ARID4A: variants seen among roughly 807,000 people sequenced by gnomAD.
ARID4A encodes the protein AT-rich interaction domain 4A.
A neutral mutation model predicts 148.6 loss-of-function variants in ARID4A; 39 were observed. That is an observed-to-expected ratio of 0.26 (90% CI 0.20 to 0.34). The LOEUF (loss-of-function observed/expected upper bound fraction) is 0.34, where lower values mean the gene tolerates loss of function less well. Ranked by LOEUF, ARID4A falls within the 10% of genes least tolerant of loss-of-function variation. The pLI is 1.00. For synonymous variants in ARID4A, 475 were observed against 481.2 expected, an observed-to-expected ratio of 0.99 and a Z score of 0.17; for missense variants, 1,265 against 1,449.1, an observed-to-expected ratio of 0.87 and a Z score of 2.06.
At chr14:58,312,804 T>TAA (rs1192114171) in intron 5 of ARID4A, among the ~76,000 whole-genome samples, 1 of 152,218 alleles carries the variant, frequency 6.6e-6, no homozygotes. Flanking sequence ...TCTTTACCTA[T>TAA]AAAAGGAGGA....
intron 7 of ARID4A, among the ~76,000 whole-genome samples, chr14:58,322,438 A>C (rs2140173255): frequency 6.6e-6 from 1 of 152,282 alleles, no homozygotes; most frequent in Admixed American, 6.5e-5. Flanking sequence ...GGTTTCTCAG[A>C]GTGCAGCAGA....
At chr14:58,303,305 A>G (rs11158203) in intron 3 of ARID4A, among the ~76,000 whole-genome samples, 106,925 of 152,066 alleles carry the variant, frequency 0.7, 37,988 homozygotes, top group Middle Eastern at 0.87. Flanking sequence ...GGGAATATTC[A>G]GTATCCTCCT....
rs762695660 is a variant in ARID4A at position 58,366,123 on chromosome 14, G to C, written c.3416G>C (p.Arg1139Pro). The C allele has an allele frequency of 2.5e-6, 4 of 1,613,760 alleles. No homozygotes were observed. Among genetic ancestry groups the C allele is most frequent in the Non-Finnish European group, 3.4e-6 (4 of 1,179,766 alleles). The change falls in exon 22 of 24, where the codon CGA becomes CCA. Residue 1139 changes from arginine to proline, a missense_variant. Physicochemically the swap from Arg to Pro is moderately radical, Grantham distance 103. Transcript: ENST00000355431. Reference sequence around the variant, plus strand: ...GTATCTAAGCCACAGAAACTTGCACGATCTCCTGCAAGAATATCCCCGCAC... The same window carrying C: ...GTATCTAAGCCACAGAAACTTGCACCATCTCCTGCAAGAATATCCCCGCAC... ...LNVSKPQKLARSPARISPHIK... is the reference protein window; with the variant it reads ...LNVSKPQKLAPSPARISPHIK...
chr14:58,323,589 C>G lies in ARID4A; in HGVS notation c.554C>G (p.Thr185Arg), dbSNP rs139306325. The change falls in exon 8 of 24, where the codon ACG becomes AGG. Residue 185 changes from threonine (T) to arginine (R), a missense_variant. This residue lies in a region of ARID4A where 249 missense variants were observed against 277.2 expected (regional missense o/e 0.90). Transcript: ENST00000355431. ...LGKVVSVVSA[T>R]ERTEWYPALV... ...AAAGTTGTAAGTGTGGTGTCTGCAA[C>G]GGAGAGGACTGAATGGTATCCTGCT... The G allele has an allele frequency of 1.2e-6, 2 of 1,614,046 alleles. No individual in the cohort carries two copies. The highest frequency in any genetic ancestry group is 3.3e-5 in the Admixed American group (2 of 60,002).
intron 3 of ARID4A, among the ~76,000 whole-genome samples, chr14:58,302,783 G>A (rs1019621493): frequency 6.6e-6 from 1 of 151,816 alleles, no homozygotes; most frequent in South Asian, 2.1e-4. Flanking sequence ...GTGAGATCTT[G>A]TCTGTCCAGA....
At chr14:58,343,247 G>T (rs1481444040) in intron 11 of ARID4A, among the ~76,000 whole-genome samples, 2 of 152,048 alleles carry the variant, frequency 1.3e-5, no homozygotes, top group Non-Finnish European at 1.5e-5. Flanking sequence ...TGCTGATTTT[G>T]GTTAGAACTT....
At chr14:58,301,833 TAA>T in intron 3 of ARID4A, 143 bp downstream of exon 3, 1 of 499,728 alleles carries the variant, frequency 2.0e-6, no homozygotes, top group Non-Finnish European at 3.5e-6. Flanking sequence ...ACATCAAAAA[TAA>T]AGAAATAAAA....
chr14:58,367,367 A>G (rs1335415657), intron 23 of ARID4A, among the ~76,000 whole-genome samples: 2 of 152,268 alleles, frequency 1.3e-5, no homozygotes, highest in South Asian at 2.1e-4. Context: ...CACCAAAATG[A>G]ATGAGACATA....
chr14:58,336,883 C>CT (rs1225716818), intron 11 of ARID4A, among the ~76,000 whole-genome samples: 2 of 151,186 alleles, frequency 1.3e-5, no homozygotes, highest in Non-Finnish European at 3.0e-5. Context: ...CTTTCTTTTT[C>CT]TTTTTTCTTT....
chr14:58,344,761 G>A lies in ARID4A; in HGVS notation c.973G>A (p.Asp325Asn). The A allele has an allele frequency of 6.2e-7, 1 of 1,610,562 alleles. No homozygotes were observed. Among genetic ancestry groups the A allele is most frequent in the Non-Finnish European group, 8.5e-7 (1 of 1,177,664 alleles). ...CCAGCAGCTTTATAAGTTTATGGAAGACAGAGGTATTTTCATGCTCATTAT... is the reference window on the plus strand; with the variant it reads ...CCAGCAGCTTTATAAGTTTATGGAAAACAGAGGTATTTTCATGCTCATTAT... ...FLQQLYKFME[D>N]RGTPINKPPV... is the part of the protein sequence containing the mutation. Residue 325 changes from aspartate (D) to asparagine (N), a missense_variant, in exon 12 of 24, where the codon GAC becomes AAC. Coordinates refer to ENST00000355431, the MANE Select transcript of ARID4A (RefSeq NM_002892.4).
At chr14:58,334,377 C>T (rs1169506389) in intron 11 of ARID4A, among the ~76,000 whole-genome samples, 1 of 152,100 alleles carries the variant, frequency 6.6e-6, no homozygotes, top group African/African-American at 2.4e-5. Context: ...TTTAGGCAGG[C>T]TGTTGTTAAA....
Position 58,353,698 on chromosome 14 carries a change from G to T in ARID4A, c.1696G>T (p.Asp566Tyr). The T allele has an allele frequency of 6.2e-7, 1 of 1,614,066 alleles. No individual in the cohort carries two copies. The highest frequency in any genetic ancestry group is 8.5e-7 in the Non-Finnish European group (1 of 1,179,984). Residue 566 changes from aspartate to tyrosine, a missense_variant, in exon 17 of 24, where the codon GAT becomes TAT. By Grantham distance (160) the Asp-to-Tyr change is radical. Transcript: ENST00000355431. ...CAAATGTGACTCTGAAGGAGAGGAA[G>T]ATGAGGAAGACATGGAACCCTGCCT... ...ESKCDSEGEE[D>Y]EEDMEPCLTG...
chr14:58,353,910 C>T, intron 17 of ARID4A, 55 bp downstream of exon 17: 2 of 1,433,402 alleles, frequency 1.4e-6, no homozygotes, highest in Non-Finnish European at 1.9e-6. Flanking sequence ...TTAAATAGAA[C>T]ATCAACTTAA....
chr14:58,348,910 G>A (rs2034501761), intron 15 of ARID4A, among the ~76,000 whole-genome samples: 1 of 151,728 alleles, frequency 6.6e-6, no homozygotes, highest in Non-Finnish European at 1.5e-5. Context: ...CACTTCATTG[G>A]CATTAAGTAC....
At chr14:58,347,211 T>C (rs1594937566) in intron 14 of ARID4A, 94 bp downstream of exon 14, 1 of 628,284 alleles carries the variant, frequency 1.6e-6, no homozygotes, top group Non-Finnish European at 2.4e-6. Context: ...CTAGAAACAT[T>C]AAAGTTAGAG....
chr14:58,336,667 C>A (rs1488526142), intron 11 of ARID4A, among the ~76,000 whole-genome samples: 1 of 152,044 alleles, frequency 6.6e-6, no homozygotes, highest in East Asian at 1.9e-4. Context: ...GTAAAGATAA[C>A]CACGCCAAAT....
At chr14:58,368,244 C>G (rs1378837840) in intron 23 of ARID4A, among the ~76,000 whole-genome samples, 4 of 152,174 alleles carry the variant, frequency 2.6e-5, no homozygotes, top group African/African-American at 9.7e-5. Flanking sequence ...TAACTCAAGG[C>G]CTAATCCTCT....
intron 19 of ARID4A, among the ~76,000 whole-genome samples, chr14:58,362,352 G>T (rs953248547): frequency 2.6e-5 from 4 of 152,078 alleles, no homozygotes; most frequent in African/African-American, 9.7e-5. Flanking sequence ...ACCTTGGGAG[G>T]CTGAGGCAAA....
chr14:58,332,014 A>ACCCT (rs2033557186), intron 11 of ARID4A, among the ~76,000 whole-genome samples: 2 of 123,054 alleles, frequency 1.6e-5, no homozygotes, highest in African/African-American at 6.0e-5. Context: ...CCCCCAAAAA[A>ACCCT]CCCTGAAATT....
Sources: allele counts gnomAD v4.1 joint callset (sites outside exome capture counted in the v4.1 genomes callset), GRCh38; gene constraint gnomAD v4.1.1; regional missense constraint gnomAD v4.1.1; transcripts MANE v1.5; gene names NCBI Gene and HGNC (gene_info 2026-07-23, HGNC 2026-07-21).